Variants in KMT5C observed in about 807,000 individuals in gnomAD.
The protein encoded by KMT5C is histone-lysine N-methyltransferase KMT5C.
KMT5C carries 16 observed loss-of-function variants against 38.2 expected under a neutral mutation model. That is an observed-to-expected ratio of 0.42 (90% CI 0.28 to 0.64). The LOEUF (loss-of-function observed/expected upper bound fraction) is 0.64. KMT5C is among the 30% of genes least tolerant of loss of function. The probability of loss-of-function intolerance (pLI) is 0.23; values close to 1 mark genes in which losing one functional copy is unlikely to be tolerated. For missense variants in KMT5C, 598 were observed against 665.1 expected (o/e 0.90, Z 1.11); for synonymous variants, 291 against 279.0 (o/e 1.04, Z -0.43).
At chr19:55,342,969 G>A (rs563511112) in intron 4 of KMT5C, 118 bp downstream of exon 4, 41 of 688,836 alleles carry the variant, frequency 6.0e-5, no homozygotes, top group South Asian at 3.5e-4. Context: ...CTGGTCCTCC[G>A]GGCATCCTAG....
chr19:55,346,586 A>G lies in KMT5C; in HGVS notation c.794A>G (p.Lys265Arg). Residue 265 changes from lysine to arginine, a missense_variant, in exon 8 of 9, where the codon AAG becomes AGG. Lys to Arg is a conservative substitution (Grantham distance 26). Around this residue, in one of 3 missense-constraint regions of KMT5C, gnomAD observed 326 missense variants for 298.1 expected, o/e 1.09. Coordinates refer to ENST00000255613, the MANE Select transcript of KMT5C (RefSeq NM_032701.4). ...PLDKYQLRET[K>R]RRLQQGLDSG... ...GACAAGTACCAGCTGCGTGAGACCA[A>G]GCGGCGGCTGCAGCAAGGCCTGGAC... is the stretch of plus-strand genomic sequence containing the variant. 5 of 1,581,780 alleles carry G rather than the reference A, an allele frequency of 3.2e-6. No individual in the cohort carries two copies. The highest frequency in any genetic ancestry group is 4.3e-6 in the Non-Finnish European group (5 of 1,164,638).
Position 55,341,868 on chromosome 19 carries a change from C to A in KMT5C, c.-69C>A. 3 of 1,253,026 alleles carry A rather than the reference C, an allele frequency of 2.4e-6. No individual in the cohort carries two copies. The highest frequency in any genetic ancestry group is 2.3e-5 in the East Asian group (1 of 42,980). The allele number at this position is 1,253,026 out of a possible 1,614,324, so 77.6% of individuals were successfully genotyped here. ...GGAGTGGAGTCAGCACCAAGCCAGG[C>A]TCCCCGCGCCTGCCTTGCCCTCACC... is the stretch of plus-strand genomic sequence containing the variant. On this transcript the variant is annotated 5_prime_UTR_variant, in exon 2 of 9. Transcript: ENST00000255613.
Position 55,347,573 on chromosome 19 carries a change from C to T in KMT5C, c.*124C>T. ...ACCCTTGACTCCAGCATAGCTCTGA[C>T]CCTGGAATGGGGTTGGTTTGGACAC... On this transcript the variant is annotated 3_prime_UTR_variant, in exon 9 of 9. Coordinates refer to ENST00000255613, the MANE Select transcript of KMT5C (RefSeq NM_032701.4). The surrounding 1 kb of genome is among the most constrained non-coding windows in gnomAD (Gnocchi z 4.6). 7.1e-7 allele frequency: 1 copy of T among 1,403,032 alleles called. No homozygotes were observed. Among genetic ancestry groups the T allele is most frequent in the Non-Finnish European group, 9.3e-7 (1 of 1,078,476 alleles). The allele number at this position is 1,403,032 out of a possible 1,614,324, so 86.9% of individuals were successfully genotyped here. A position where few individuals can be genotyped will look rare whatever the true frequency, so the allele number is the denominator to read the frequency against.
chr19:55,346,938 C>A lies in KMT5C; in HGVS notation c.896-18C>A. 2 of 861,318 alleles carry A rather than the reference C, an allele frequency of 2.3e-6. No individual in the cohort carries two copies. Among genetic ancestry groups the A allele is most frequent in the Non-Finnish European group, 3.8e-6 (2 of 520,462 alleles). 53.4% of individuals were successfully genotyped at this position (861,318 alleles called of 1,614,324 possible). Reference sequence around the variant, plus strand: ...CTCTCCTTTGTTCCTCCTCTCCCTGCCACCTGGGCCTTCACAGCCGCCTGC... The same window carrying A: ...CTCTCCTTTGTTCCTCCTCTCCCTGACACCTGGGCCTTCACAGCCGCCTGC... On this transcript the variant is annotated intron_variant, in intron 8 of 8. Coordinates refer to ENST00000255613, the MANE Select transcript of KMT5C (RefSeq NM_032701.4).
chr19:55,345,554 G>A (rs1018217474), intron 6 of KMT5C, among the ~76,000 whole-genome samples: 7 of 152,302 alleles, frequency 4.6e-5, no homozygotes, highest in African/African-American at 1.7e-4. Flanking sequence ...TCTGGGGGCC[G>A]TCAGGCAGGC....
In KMT5C at chr19:55,343,792, C is replaced by T. The variant is rs754948097; in HGVS notation, c.499C>T (p.Arg167Cys). The T allele has an allele frequency of 3.7e-6, 6 of 1,613,050 alleles. No homozygotes were observed. Among genetic ancestry groups the T allele is most frequent in the Non-Finnish European group, 4.2e-6 (5 of 1,179,700 alleles). ...ENDFSIMYST[R>C]KRSAQLWLGP... ...TGACTTCAGCATCATGTACTCAACCCGCAAGCGGAGTGCTCAGCTGTGGCT... is the reference window on the plus strand; with the variant it reads ...TGACTTCAGCATCATGTACTCAACCTGCAAGCGGAGTGCTCAGCTGTGGCT... The change falls in exon 5 of 9, where the codon CGC becomes TGC. Residue 167 changes from arginine to cysteine, a missense_variant. Physicochemically the swap from Arg to Cys is radical, Grantham distance 180 (BLOSUM62 -3). Transcript: ENST00000255613. This position sits in a 1 kb window ranked among gnomAD's most constrained non-coding sequence, Gnocchi z 5.5.
chr19:55,342,600 A>G, intron 3 of KMT5C, 142 bp from the exon 4 acceptor site: 1 of 645,932 alleles, frequency 1.5e-6, no homozygotes, highest in South Asian at 1.8e-5. Context: ...TTGACGGATG[A>G]GGAAACTGAG....
In KMT5C at chr19:55,346,311, C is replaced by T. The variant is rs60702338; in HGVS notation, c.669C>T (p.Gly223=). 0.013 allele frequency: 20,619 copies of T among 1,613,964 alleles called. 178 individuals are homozygous for T. Among genetic ancestry groups the T allele is most frequent in the Middle Eastern group, 0.046 (279 of 6,062 alleles). ...VTCFYGEGFF[G]EKNEHCECHT... ...GCTTCTACGGCGAGGGCTTCTTCGG[C>T]GAGAAGAATGAGCACTGTGAATGCC... The change falls in exon 7 of 9, where the codon GGC becomes GGT. Residue 223 remains glycine, a synonymous_variant. Transcript: ENST00000255613.
Position 55,342,043 on chromosome 19 carries a change from T to G in KMT5C, c.107T>G (p.Val36Gly). The change falls in exon 2 of 9, where the codon GTC becomes GGC. Residue 36 changes from valine (V) to glycine (G), a missense_variant. Transcript: ENST00000255613. The stretch of plus-strand genomic sequence containing the variant: ...GGTTTCCGCACCCATAAGATGAACG[T>G]CAGGTGAGGTGGCCTGGGGGCGAGG... ...YLGFRTHKMN[V>G]SPVPPLRRQQ... The G allele has an allele frequency of 6.2e-7, 1 of 1,612,108 alleles. No homozygotes were observed. Among genetic ancestry groups the G allele is most frequent in the Non-Finnish European group, 8.5e-7 (1 of 1,178,536 alleles).
At chr19:55,346,085 T>C in intron 6 of KMT5C, 128 bp from the exon 7 acceptor site, 1 of 1,157,396 alleles carries the variant, frequency 8.6e-7, no homozygotes, top group Non-Finnish European at 1.2e-6. Flanking sequence ...AATGCCACTT[T>C]TAGGGGCTCA....
At chr19:55,346,378 C>T (rs1242095008) in intron 7 of KMT5C, 29 bp downstream of exon 7, 11 of 1,613,440 alleles carry the variant, frequency 6.8e-6, no homozygotes, top group African/African-American at 5.3e-5. Flanking sequence ...CGGCTGGGTT[C>T]GGGTCGTCTG....
Position 55,343,097 on chromosome 19 carries a change from G to A in KMT5C, c.386+246G>A, listed in dbSNP as rs2089578339. The stretch of plus-strand genomic sequence containing the variant: ...CTTCCAGGAAAGAACTAGGCTTCTG[G>A]TCAGGGCCGTGCTGTCCTTACCTCC... On this transcript the variant is annotated intron_variant, in intron 4 of 8. Transcript: ENST00000255613. The surrounding 1 kb of genome is among the most constrained non-coding windows in gnomAD (Gnocchi z 5.5). 3 of 484,770 alleles carry A rather than the reference G, an allele frequency of 6.2e-6. No individual in the cohort carries two copies. The highest frequency in any genetic ancestry group is 1.2e-3 in the Middle Eastern group (2 of 1,670). 30.0% of individuals were successfully genotyped at this position (484,770 alleles called of 1,614,324 possible). A position where few individuals can be genotyped will look rare whatever the true frequency, so the allele number is the denominator to read the frequency against.
rs1404405770 is a variant in KMT5C, at chr19:55,343,051, G to A, written c.386+200G>A. ...GCCGCTGGAGCAGGAGACCCCGGAT[G>A]TGACCCCAGGGTTCCTGGGGCTTCC... On this transcript the variant is annotated intron_variant, in intron 4 of 8. Transcript: ENST00000255613. The surrounding 1 kb of genome is among the most constrained non-coding windows in gnomAD (Gnocchi z 5.5). 3.5e-6 allele frequency: 2 copies of A among 567,886 alleles called. No individual in the cohort carries two copies. Among genetic ancestry groups the A allele is most frequent in the Non-Finnish European group, 6.3e-6 (2 of 315,270 alleles). The allele number at this position is 567,886 out of a possible 1,614,324, so 35.2% of individuals were successfully genotyped here. A position where few individuals can be genotyped will look rare whatever the true frequency, so the allele number is the denominator to read the frequency against.
At chr19:55,341,323 G>GCTT (rs1569018834) in intron 1 of KMT5C, among the ~76,000 whole-genome samples, 2 of 152,102 alleles carry the variant, frequency 1.3e-5, no homozygotes, top group African/African-American at 4.8e-5. Flanking sequence ...GCTGCCTGGG[G>GCTT]CTTCACCCGG....
chr19:55,344,813 C>T (rs779575821), intron 6 of KMT5C: 2 of 514,710 alleles, frequency 3.9e-6, no homozygotes, highest in Non-Finnish European at 8.0e-6. Flanking sequence ...TGAGGGTGCA[C>T]CCTCTGGAGC....
At position 55,346,638 on chromosome 19, in the gene KMT5C, CCCT is replaced by C; in HGVS notation, c.848_850del (p.Pro283del). 2 of 1,574,072 alleles carry C rather than the reference CCCT, an allele frequency of 1.3e-6. No homozygotes were observed. Among genetic ancestry groups the C allele is most frequent in the Middle Eastern group, 1.7e-4 (1 of 5,906 alleles). On this transcript the variant is annotated inframe_deletion, in exon 8 of 9. Coordinates refer to ENST00000255613, the MANE Select transcript of KMT5C (RefSeq NM_032701.4). ...GTGGCAGCCGACAGGGCCTGCTGGG[CCCT>C]CGGGCCTGCGTGCACCCATCCCCGC...
At chr19:55,345,314 G>A (rs893039193) in intron 6 of KMT5C, 4 of 352,976 alleles carry the variant, frequency 1.1e-5, no homozygotes, top group African/African-American at 2.1e-5. Flanking sequence ...GCAAGGCCTT[G>A]GGGTCCGGGC....
rs1600263250 is a variant in KMT5C, at chr19:55,343,477, C to T, written c.387-203C>T. The T allele has an allele frequency of 3.3e-6, 2 of 602,938 alleles. No individual in the cohort carries two copies. The highest frequency in any genetic ancestry group is 2.9e-5 in the Admixed American group (1 of 34,420). The allele number at this position is 602,938 out of a possible 1,614,324, so 37.3% of individuals were successfully genotyped here. ...CCCTGAAGGCTTTCAGTAGAAGGGT[C>T]CTGTGGGGCTGTGGGCTGGAGCAGG... On this transcript the variant is annotated intron_variant, in intron 4 of 8. Transcript: ENST00000255613. This position sits in a 1 kb window ranked among gnomAD's most constrained non-coding sequence, Gnocchi z 5.5.
rs573528546 is a variant in KMT5C, at chr19:55,344,072, G to A, written c.570+75G>A. ...CTGTGGCCTGGGGAAAGGGTTTTTG[G>A]TCAGTAAAGAGCCAAACACCGGCCG... On this transcript the variant is annotated intron_variant, in intron 6 of 8. Transcript: ENST00000255613. 2.6e-6 allele frequency: 4 copies of A among 1,546,012 alleles called. No individual in the cohort carries two copies. In the African/African-American group the frequency reaches 5.5e-5, roughly 21 times the overall value.
Sources: allele counts gnomAD v4.1 joint callset (sites outside exome capture counted in the v4.1 genomes callset), GRCh38; gene constraint gnomAD v4.1.1; regional missense constraint gnomAD v4.1.1; non-coding constraint Gnocchi (gnomAD v3.1); transcripts MANE v1.5; gene names NCBI Gene and HGNC (gene_info 2026-07-23, HGNC 2026-07-21).